CREB5: variants seen among roughly 807,000 people sequenced by gnomAD.
CREB5 encodes cyclic AMP-responsive element-binding protein 5.
In CREB5, 19 loss-of-function variants were observed where a neutral mutation model predicts 57.1. The ratio of observed to expected loss-of-function variants is 0.33; its 90% CI spans 0.23 to 0.49. The LOEUF (loss-of-function observed/expected upper bound fraction) is 0.49, where lower values mean the gene tolerates loss of function less well. Ranked by LOEUF, CREB5 falls within the 20% of genes least tolerant of loss-of-function variation. The pLI, the probability that CREB5 is intolerant of heterozygous loss-of-function variation, is 0.99. For synonymous variants in CREB5, 238 were observed against 238.3 expected (o/e 1.00, Z 0.01); for missense variants, 579 against 671.6 (o/e 0.86, Z 1.52).
intron 5 of CREB5, among the ~76,000 whole-genome samples, chr7:28,660,047 G>T (rs556799327): frequency 2.0e-5 from 3 of 152,252 alleles, no homozygotes; most frequent in Non-Finnish European, 4.4e-5. Context: ...CAGTGGCCTT[G>T]GAGCAAAAAT....
chr7:28,319,352 C>T (rs1240562436), intron 1 of CREB5, among the ~76,000 whole-genome samples: 1 of 152,182 alleles, frequency 6.6e-6, no homozygotes. Flanking sequence ...ACATAGAATA[C>T]CTTTGCCCAT....
chr7:28,517,578 T>C (rs926659132), intron 4 of CREB5, among the ~76,000 whole-genome samples: 3 of 152,228 alleles, frequency 2.0e-5, no homozygotes, highest in Non-Finnish European at 4.4e-5. Context: ...CCTGAATTAC[T>C]GGTACCTATG....
intron 7 of CREB5, among the ~76,000 whole-genome samples, chr7:28,796,936 C>T (rs1212010931): frequency 6.6e-6 from 1 of 152,166 alleles, no homozygotes; most frequent in Non-Finnish European, 1.5e-5. Flanking sequence ...TTAAAATGCT[C>T]ACCCTCCTGC....
At position 28,420,807 on chromosome 7, in the gene CREB5, CAAA is replaced by C. The variant is rs10540496; in HGVS notation, c.3+7910_3+7912del. Among the ~76,000 whole-genome samples the C allele has an allele frequency of 6.1e-3, 568 of 92,872 alleles. 3 individuals carry two copies. The highest frequency in any genetic ancestry group is 7.6e-3 in the Non-Finnish European group (354 of 46,334). 60.9% of individuals were successfully genotyped at this position (92,872 alleles called of 152,430 possible). A position where few individuals can be genotyped will look rare whatever the true frequency, so the allele number is the denominator to read the frequency against. On this transcript the variant is annotated intron_variant, in intron 1 of 10. Transcript: ENST00000357727. ...TGTGCTTTGCAGCAAGACTCCATCT[CAAA>C]AAAAAAAAAAAAAAAAAAAGGTTAG...
At chr7:28,376,756 C>G (rs1786838034) in intron 1 of CREB5, among the ~76,000 whole-genome samples, 1 of 152,172 alleles carries the variant, frequency 6.6e-6, no homozygotes, top group Admixed American at 6.5e-5. Context: ...ATATCAGAGC[C>G]TGAGCCAATA....
At chr7:28,461,549 T>C (rs1373966321) in intron 1 of CREB5, among the ~76,000 whole-genome samples, 4 of 152,146 alleles carry the variant, frequency 2.6e-5, no homozygotes, top group Non-Finnish European at 5.9e-5. Flanking sequence ...GGAGTCTATA[T>C]ATTAGGGTGT....
intron 1 of CREB5, among the ~76,000 whole-genome samples, chr7:28,375,267 A>G (rs914790921): frequency 1.3e-5 from 2 of 152,204 alleles, no homozygotes; most frequent in African/African-American, 2.4e-5. Flanking sequence ...GCACAGAAAG[A>G]CAAACATTGC....
chr7:28,614,453 A>G (rs962548322), intron 5 of CREB5, among the ~76,000 whole-genome samples: 5 of 152,178 alleles, frequency 3.3e-5, no homozygotes, highest in Admixed American at 6.5e-5. Flanking sequence ...ACTAAGTGAG[A>G]CTATGCTCTT....
chr7:28,348,396 TGTCTCTCTCTCTCACACA>T (rs1298673892), intron 1 of CREB5, among the ~76,000 whole-genome samples: 2,123 of 106,100 alleles, frequency 0.02, 40 homozygotes, highest in African/African-American at 0.058. Context: ...TCTCTCTCTC[TGTCTCTCTCTCTCACACA>T]CACACACACA....
chr7:28,505,194 GCA>G (rs1562761825), intron 3 of CREB5, among the ~76,000 whole-genome samples: 2 of 118,404 alleles, frequency 1.7e-5, no homozygotes, highest in African/African-American at 2.6e-5. Context: ...TCATGCACGT[GCA>G]CACACACGCA....
intron 1 of CREB5, among the ~76,000 whole-genome samples, chr7:28,453,061 A>C (rs1366900464): frequency 6.6e-6 from 1 of 152,234 alleles, no homozygotes; most frequent in East Asian, 1.9e-4. Context: ...ACTCTCTGGA[A>C]GGTTCTAAAT....
At position 28,534,759 on chromosome 7, in the gene CREB5, T is replaced by C. The variant is rs1793886977; in HGVS notation, c.291+27022T>C. On this transcript the variant is annotated intron_variant, in intron 4 of 10. Coordinates refer to ENST00000357727, the MANE Select transcript of CREB5 (RefSeq NM_182898.4). ...AATATTTATGTAGTGCTTATAGAAA[T>C]TAATTTTTGTAATCCTCACAATAAC... Among the ~76,000 whole-genome samples the C allele has an allele frequency of 2.1e-5, 3 of 141,900 alleles. No homozygotes were observed. The South Asian group carries it at 6.5e-4, about 31-fold the overall frequency. The allele number at this position is 141,900 out of a possible 152,430, so 93.1% of individuals were successfully genotyped here.
chr7:28,814,033 C>T (rs772337457), intron 9 of CREB5, among the ~76,000 whole-genome samples: 7 of 152,158 alleles, frequency 4.6e-5, no homozygotes, highest in Non-Finnish European at 8.8e-5. Flanking sequence ...ATTTATAAAG[C>T]AAGGTAATTC....
chr7:28,581,273 A>C (rs1259071931), intron 5 of CREB5, among the ~76,000 whole-genome samples: 1 of 152,166 alleles, frequency 6.6e-6, no homozygotes. Flanking sequence ...TTGCTGTATC[A>C]TTTTGAAATA....
intron 4 of CREB5, among the ~76,000 whole-genome samples, chr7:28,522,434 C>A (rs1039544217): frequency 3.5e-5 from 5 of 143,218 alleles, no homozygotes; most frequent in Non-Finnish European, 7.5e-5. Context: ...CTCACTCCGT[C>A]GCCCAGCCTG....
intron 1 of CREB5, among the ~76,000 whole-genome samples, chr7:28,391,041 G>C (rs1787206228): frequency 6.6e-6 from 1 of 151,960 alleles, no homozygotes; most frequent in Non-Finnish European, 1.5e-5. Context: ...GTGTTTTGTA[G>C]ATATTTTAAA....
At chr7:28,689,709 A>G (rs1801149957) in intron 5 of CREB5, among the ~76,000 whole-genome samples, 1 of 152,144 alleles carries the variant, frequency 6.6e-6, no homozygotes, top group Admixed American at 6.5e-5. Flanking sequence ...TTTATGTTAA[A>G]ATTATAGAAA....
At chr7:28,448,072 C>A (rs1005255818) in intron 1 of CREB5, among the ~76,000 whole-genome samples, 5 of 152,168 alleles carry the variant, frequency 3.3e-5, no homozygotes, top group Non-Finnish European at 5.9e-5. Context: ...CACCCTTAAT[C>A]TGGTGGGCAC....
At chr7:28,786,594 C>G (rs540127774) in intron 7 of CREB5, among the ~76,000 whole-genome samples, 6 of 152,280 alleles carry the variant, frequency 3.9e-5, no homozygotes, top group Non-Finnish European at 7.4e-5. Context: ...AGGCCCCTCT[C>G]TTGAAATTCT....
Sources: gnomAD v4.1 joint callset for allele counts (sites outside exome capture counted in the v4.1 genomes callset) on GRCh38, gnomAD v4.1.1 for gene constraint, MANE v1.5 for transcripts, NCBI Gene and HGNC (gene_info 2026-07-23, HGNC 2026-07-21) for gene names.